The following MLPH variants were observed in gnomAD, a reference collection of about 807,000 sequenced individuals.
MLPH encodes the protein melanophilin.
A neutral mutation model predicts 72.1 loss-of-function variants in MLPH; 51 were observed. That is an observed-to-expected ratio of 0.71 (90% confidence interval 0.56 to 0.89). The LOEUF is 0.89. MLPH is among the 40% of genes least tolerant of loss of function. MLPH has a pLI of 0.00. For missense variants in MLPH, 743 were observed against 759.9 expected (o/e 0.98, Z 0.26); for synonymous variants, 301 against 310.1 (o/e 0.97, Z 0.31).
At chr2:237,488,172 A>G (rs1336141458) in intron 1 of MLPH, among the ~76,000 whole-genome samples, 2 of 152,090 alleles carry the variant, frequency 1.3e-5, no homozygotes, top group East Asian at 1.9e-4. Flanking sequence ...CCTTTTTTAG[A>G]TGGTGTGACT....
rs562548087 is a variant in MLPH at position 237,488,030 on chromosome 2, T to TACTAGCCCCAAGTCCCTACAGGA, written c.-25+596_-25+618dup. 3.7e-4 allele frequency among the ~76,000 whole-genome samples: 57 copies of TACTAGCCCCAAGTCCCTACAGGA among 152,274 alleles called. No individual in the cohort carries two copies. The East Asian group carries it at 0.011, about 28-fold the overall frequency. On this transcript the variant is annotated intron_variant, in intron 1 of 15. Coordinates refer to ENST00000264605, the MANE Select transcript of MLPH (RefSeq NM_024101.7). ...TGTGAGCACCTGTGGGCTTCGTCCC[T>TACTAGCCCCAAGTCCCTACAGGA]ACTAGCCCCAAGTCCCTACAGGAAC... is the stretch of plus-strand genomic sequence containing the variant.
chr2:237,534,796 G>T, intron 9 of MLPH, 149 bp downstream of exon 9: 1 of 705,464 alleles, frequency 1.4e-6, no homozygotes, highest in South Asian at 1.5e-5. Context: ...CAGAGAGCCA[G>T]GCAGTTCCCA....
At chr2:237,491,685 C>G (rs143686230) in intron 1 of MLPH, among the ~76,000 whole-genome samples, 34 of 152,298 alleles carry the variant, frequency 2.2e-4, no homozygotes, top group African/African-American at 7.9e-4. Context: ...TTTGCAGTGT[C>G]CCAGTGTGCA....
intron 2 of MLPH, chr2:237,507,500 T>C (rs866769552): frequency 6.6e-6 from 1 of 152,252 alleles, no homozygotes; most frequent in African/African-American, 2.4e-5. Context: ...GTGTGATTTT[T>C]GTAACACCAT....
intron 2 of MLPH, among the ~76,000 whole-genome samples, chr2:237,503,457 G>A (rs907245806): frequency 3.3e-5 from 5 of 152,072 alleles, no homozygotes; most frequent in East Asian, 1.9e-4. Context: ...GGTAATTCCC[G>A]ACACGCGTTC....
At chr2:237,492,508 G>A (rs1001000374) in intron 1 of MLPH, among the ~76,000 whole-genome samples, 23 of 151,324 alleles carry the variant, frequency 1.5e-4, no homozygotes, top group African/African-American at 5.1e-4. Flanking sequence ...AATTTAATTA[G>A]ATTTGCTGAG....
chr2:237,540,720 C>T, intron 10 of MLPH, 82 bp from the exon 11 acceptor site: 1 of 1,565,132 alleles, frequency 6.4e-7, no homozygotes, highest in South Asian at 1.2e-5. Context: ...GAGAGGAGAG[C>T]AATATCGTGG....
Position 237,505,632 on chromosome 2 carries a change from G to A in MLPH, c.111-4942G>A, listed in dbSNP as rs73098899. Among the ~76,000 whole-genome samples, 2,528 of 152,286 alleles carry A rather than the reference G, an allele frequency of 0.017. 34 individuals carry two copies. Among genetic ancestry groups the A allele is most frequent in the African/African-American group, 0.037 (1,547 of 41,550 alleles). On this transcript the variant is annotated intron_variant, in intron 2 of 15. Coordinates refer to ENST00000264605, the MANE Select transcript of MLPH (RefSeq NM_024101.7). This position sits in a 1 kb window ranked among gnomAD's most constrained non-coding sequence, Gnocchi z 4.5. ...CCTGTCTAGATTTCACCCCAAGAGG[G>A]GCAGAGCAGGGCACAGGTCTGACCC...
Position 237,531,784 on chromosome 2 carries a change from G to A in MLPH, c.1021-2780G>A, listed in dbSNP as rs549855481. ...AGAAACACAGACTTCAAACAAATGG[G>A]GCCCAAAGTGGACTAGTGAAGTTTT... On this transcript the variant is annotated intron_variant, in intron 8 of 15. Coordinates refer to ENST00000264605, the MANE Select transcript of MLPH (RefSeq NM_024101.7). Among the ~76,000 whole-genome samples, 3 of 152,096 alleles carry A rather than the reference G, an allele frequency of 2.0e-5. No individual in the cohort carries two copies. In the South Asian group the frequency reaches 6.2e-4, roughly 32 times the overall value.
chr2:237,529,945 A>G (rs1312308526), intron 8 of MLPH, among the ~76,000 whole-genome samples: 2 of 152,314 alleles, frequency 1.3e-5, no homozygotes, highest in South Asian at 2.1e-4. Context: ...GGCTAAGTGA[A>G]AGCTGAGCCT....
At chr2:237,531,812 C>T (rs1350572747) in intron 8 of MLPH, among the ~76,000 whole-genome samples, 1 of 152,052 alleles carries the variant, frequency 6.6e-6, no homozygotes, top group Non-Finnish European at 1.5e-5. Context: ...GAAGTTTTCA[C>T]CTATGTAGAA....
Position 237,533,524 on chromosome 2 carries a change from G to A in MLPH, c.1021-1040G>A, listed in dbSNP as rs181801930. ...TTCTCCTGCCTCAGCCTCCCGAGTA[G>A]CTGGGATTACAGGCATGAGCCACCA... is the stretch of plus-strand genomic sequence containing the variant. On this transcript the variant is annotated intron_variant, in intron 8 of 15. Transcript: ENST00000264605. Among the ~76,000 whole-genome samples, 446 of 151,310 alleles carry A rather than the reference G, an allele frequency of 2.9e-3. 2 individuals are homozygous for A. Among genetic ancestry groups the A allele is most frequent in the Non-Finnish European group, 5.1e-3 (347 of 67,942 alleles).
chr2:237,521,673 TGATA>T (rs1017198250), intron 6 of MLPH, among the ~76,000 whole-genome samples: 6 of 152,250 alleles, frequency 3.9e-5, no homozygotes, highest in African/African-American at 1.4e-4. Flanking sequence ...AGGTTTGGAT[TGATA>T]GATTCTTTTC....
intron 14 of MLPH, 168 bp from the exon 15 acceptor site, chr2:237,552,169 G>T: frequency 1.7e-6 from 1 of 597,712 alleles, no homozygotes; most frequent in Non-Finnish European, 3.0e-6. Flanking sequence ...TGATTTGCAT[G>T]ACAGCTGAAA....
At chr2:237,537,961 C>T (rs2080573185) in intron 9 of MLPH, among the ~76,000 whole-genome samples, 2 of 152,148 alleles carry the variant, frequency 1.3e-5, no homozygotes, top group Admixed American at 6.5e-5. Flanking sequence ...GGAGAGCCCT[C>T]GGAATGTGGG....
intron 14 of MLPH, among the ~76,000 whole-genome samples, chr2:237,550,534 C>A (rs943606607): frequency 6.6e-5 from 10 of 152,044 alleles, no homozygotes; most frequent in Non-Finnish European, 1.5e-4. Context: ...GGGCTGAAAT[C>A]CAGGTGGAGA....
chr2:237,550,946 C>T (rs1194355425), intron 14 of MLPH, among the ~76,000 whole-genome samples: 1 of 152,204 alleles, frequency 6.6e-6, no homozygotes, highest in Non-Finnish European at 1.5e-5. Flanking sequence ...ATCCAGAGAC[C>T]TCACTCACCT....
intron 4 of MLPH, 190 bp downstream of exon 4, chr2:237,511,291 T>C: frequency 1.8e-6 from 1 of 541,740 alleles, no homozygotes; most frequent in Non-Finnish European, 3.3e-6. Flanking sequence ...TTTTAATTTT[T>C]GTAGAGACAG....
chr2:237,536,272 A>G (rs777031185), intron 9 of MLPH, among the ~76,000 whole-genome samples: 1 of 152,152 alleles, frequency 6.6e-6, no homozygotes, highest in Non-Finnish European at 1.5e-5. Context: ...CCCAGCCCAC[A>G]TGCCATGTGT....
Sources: allele counts gnomAD v4.1 joint callset (sites outside exome capture counted in the v4.1 genomes callset), GRCh38; gene constraint gnomAD v4.1.1; non-coding constraint Gnocchi (gnomAD v3.1); transcripts MANE v1.5; gene names NCBI Gene and HGNC (gene_info 2026-07-23, HGNC 2026-07-21).